Variants in PDE8A observed in about 807,000 individuals in gnomAD.
PDE8A encodes the protein high affinity cAMP-specific and IBMX-insensitive 3',5'-cyclic phosphodiesterase 8A.
In PDE8A, 59 loss-of-function variants were observed where a neutral mutation model predicts 105.0. The ratio of observed to expected loss-of-function variants is 0.56; its 90% CI spans 0.46 to 0.70. The LOEUF is 0.70. PDE8A is among the 30% of genes least tolerant of loss of function. The pLI, the probability that PDE8A is intolerant of heterozygous loss-of-function variation, is 0.00. For synonymous variants in PDE8A, 355 were observed against 371.9 expected (o/e 0.95, Z 0.52); for missense variants, 1,014 against 1,045.9 (o/e 0.97, Z 0.42).
chr15:85,068,045 C>CT (rs1049706033), intron 3 of PDE8A, among the ~76,000 whole-genome samples: 46 of 147,812 alleles, frequency 3.1e-4, no homozygotes, highest in Admixed American at 1.1e-3. Flanking sequence ...GCCCAGATTT[C>CT]TTTTTTTTTT....
intron 1 of PDE8A, among the ~76,000 whole-genome samples, chr15:85,022,371 C>G (rs2080440819): frequency 6.7e-6 from 1 of 150,258 alleles, no homozygotes; most frequent in Admixed American, 6.6e-5. Flanking sequence ...CCTGTCTGCT[C>G]TTCTCTAGCT....
At chr15:85,017,497 A>G (rs2080345922) in intron 1 of PDE8A, among the ~76,000 whole-genome samples, 1 of 152,202 alleles carries the variant, frequency 6.6e-6, no homozygotes, top group South Asian at 2.1e-4. Flanking sequence ...AATAAAGAAG[A>G]TAATGTTTTA....
chr15:85,085,854 T>C (rs1210778104), intron 6 of PDE8A, among the ~76,000 whole-genome samples: 1 of 150,422 alleles, frequency 6.6e-6, no homozygotes, highest in Non-Finnish European at 1.5e-5. Flanking sequence ...CTAAAAAAAA[T>C]ACAAAAAATT....
chr15:85,135,292 G>C (rs1293797806), intron 20 of PDE8A, among the ~76,000 whole-genome samples: 1 of 152,050 alleles, frequency 6.6e-6, no homozygotes, highest in Non-Finnish European at 1.5e-5. Context: ...CAAGTGGTTA[G>C]CCTTTCTTCT....
At chr15:85,091,901 C>CTGTTTTTTT (rs2081649173) in intron 8 of PDE8A, among the ~76,000 whole-genome samples, 1 of 88,390 alleles carries the variant, frequency 1.1e-5, no homozygotes, top group African/African-American at 4.4e-5. Flanking sequence ...TTCTGCTGGA[C>CTGTTTTTTT]TTTTTTTTTT....
chr15:85,127,443 T>C (rs1402088552), intron 20 of PDE8A, among the ~76,000 whole-genome samples: 3 of 152,118 alleles, frequency 2.0e-5, no homozygotes, highest in African/African-American at 4.8e-5. Flanking sequence ...AAACAATTAT[T>C]AGCACTAATA....
intron 1 of PDE8A, among the ~76,000 whole-genome samples, chr15:84,985,915 A>G (rs2079794605): frequency 6.6e-6 from 1 of 152,174 alleles, no homozygotes; most frequent in Non-Finnish European, 1.5e-5. Flanking sequence ...TGAGCAGAGT[A>G]GATTTCCCTG....
chr15:85,042,759 G>A (rs754597755), intron 1 of PDE8A, among the ~76,000 whole-genome samples: 3 of 152,240 alleles, frequency 2.0e-5, no homozygotes, highest in East Asian at 1.9e-4. Flanking sequence ...ACTGTGTGGC[G>A]GGTACTGCAC....
At chr15:85,128,016 C>T (rs192103128) in intron 20 of PDE8A, among the ~76,000 whole-genome samples, 1 of 117,414 alleles carries the variant, frequency 8.5e-6, no homozygotes, top group East Asian at 2.5e-4. Context: ...GAAATTTTTG[C>T]AGTAAGTGGT....
Position 85,123,091 on chromosome 15 carries a change from T to C in PDE8A, c.1983T>C (p.Ile661=), listed in dbSNP as rs753843201. The C allele has an allele frequency of 8.1e-6, 13 of 1,613,946 alleles. No homozygotes were observed. The highest frequency in any genetic ancestry group is 1.1e-5 in the Non-Finnish European group (13 of 1,179,958). ...ATTATCGGACACTGCGCCAGGGGAT[T>C]ATCGACATGGTCTTAGCCACAGAAA... The part of the protein sequence containing the change: ...RNDYRTLRQG[I]IDMVLATEMT... Residue 661 remains isoleucine, a synonymous_variant, in exon 19 of 22, where the codon ATT becomes ATC. Transcript: ENST00000394553.
At chr15:85,107,312 G>A (rs1055135153) in intron 11 of PDE8A, among the ~76,000 whole-genome samples, 1 of 152,226 alleles carries the variant, frequency 6.6e-6, no homozygotes, top group Non-Finnish European at 1.5e-5. Flanking sequence ...ATAGGACTCT[G>A]GGTGCCACAC....
chr15:85,100,153 T>G lies in PDE8A; in HGVS notation c.994-3T>G. The G allele has an allele frequency of 6.2e-7, 1 of 1,614,080 alleles. No individual in the cohort carries two copies. Among genetic ancestry groups the G allele is most frequent in the Non-Finnish European group, 8.5e-7 (1 of 1,179,904 alleles). ...ACTAATGGCTTTTAAAATTCACTTTTAGGCTGAGAAAATATCCGAATGTGT... is the reference window on the plus strand; with the variant it reads ...ACTAATGGCTTTTAAAATTCACTTTGAGGCTGAGAAAATATCCGAATGTGT... On this transcript the variant is annotated splice_region_variant and splice_polypyrimidine_tract_variant and intron_variant, in intron 10 of 21. Transcript: ENST00000394553.
intron 6 of PDE8A, among the ~76,000 whole-genome samples, chr15:85,087,550 C>T (rs770360372): frequency 1.3e-5 from 2 of 151,366 alleles, no homozygotes; most frequent in African/African-American, 2.5e-5. Flanking sequence ...ACTTTATAAG[C>T]AGGCAGTTTT....
At chr15:85,032,418 A>G (rs2080630651) in intron 1 of PDE8A, among the ~76,000 whole-genome samples, 4 of 152,230 alleles carry the variant, frequency 2.6e-5, no homozygotes, top group Admixed American at 2.6e-4. Context: ...TATACTGGGA[A>G]CAAAGGTCAT....
At chr15:85,051,466 A>AT (rs1180354634) in intron 1 of PDE8A, among the ~76,000 whole-genome samples, 3 of 151,820 alleles carry the variant, frequency 2.0e-5, no homozygotes, top group Non-Finnish European at 1.5e-5. Context: ...GTTTAAAAAA[A>AT]TTTTTTTTCT....
chr15:85,106,559 C>T (rs1396601076), intron 11 of PDE8A, among the ~76,000 whole-genome samples: 1 of 152,180 alleles, frequency 6.6e-6, no homozygotes, highest in Non-Finnish European at 1.5e-5. Flanking sequence ...CATTACTCAT[C>T]ATGAAGCTCA....
At chr15:85,076,663 A>G in intron 4 of PDE8A, 70 bp from the exon 5 acceptor site, 1 of 885,964 alleles carries the variant, frequency 1.1e-6, no homozygotes, top group South Asian at 1.3e-5. Context: ...TATTTAAATT[A>G]GTAGAGTAAA....
At chr15:85,095,921 C>T (rs2005228) in intron 8 of PDE8A, among the ~76,000 whole-genome samples, 28,632 of 150,654 alleles carry the variant, frequency 0.19, 3,213 homozygotes, top group East Asian at 0.37. Context: ...TTTTTTGAGA[C>T]GGAGTCTCGC....
At chr15:85,110,447 C>A in intron 12 of PDE8A, among the ~76,000 whole-genome samples, 1 of 152,152 alleles carries the variant, frequency 6.6e-6, no homozygotes, top group East Asian at 1.9e-4. Context: ...AGAAAATCCA[C>A]ACACACAAAC....
Sources: allele counts gnomAD v4.1 joint callset (sites outside exome capture counted in the v4.1 genomes callset), GRCh38; gene constraint gnomAD v4.1.1; transcripts MANE v1.5; gene names NCBI Gene and HGNC (gene_info 2026-07-23, HGNC 2026-07-21).